The following MYO16 variants were observed in gnomAD, a reference collection of about 807,000 sequenced individuals.
MYO16 encodes the protein unconventional myosin-XVI.
In MYO16, 94 loss-of-function variants were observed where a neutral mutation model predicts 205.3. The ratio of observed to expected loss-of-function variants is 0.46; its 90% CI spans 0.39 to 0.54. MYO16 has a LOEUF of 0.54. Ranked by LOEUF, MYO16 falls within the 20% of genes least tolerant of loss-of-function variation. The pLI is 0.00. For missense variants in MYO16, 2,315 were observed against 2,387.5 expected, an observed-to-expected ratio of 0.97 and a Z score of 0.63; for synonymous variants, 988 against 954.0, an observed-to-expected ratio of 1.04 and a Z score of -0.66.
chr13:108,984,112 A>G (rs1884546157), intron 20 of MYO16, among the ~76,000 whole-genome samples: 1 of 152,192 alleles, frequency 6.6e-6, no homozygotes, highest in Non-Finnish European at 1.5e-5. Flanking sequence ...CTTTCTGCAA[A>G]TGGATTCTCA....
At chr13:109,170,057 T>C (rs1486391134) in intron 33 of MYO16, among the ~76,000 whole-genome samples, 1 of 151,396 alleles carries the variant, frequency 6.6e-6, no homozygotes, top group Non-Finnish European at 1.5e-5. Flanking sequence ...AATAGGAGAG[T>C]ATCTTTCTTA....
chr13:108,930,667 A>G (rs1410136533), intron 16 of MYO16, among the ~76,000 whole-genome samples: 3 of 152,226 alleles, frequency 2.0e-5, no homozygotes, highest in Non-Finnish European at 4.4e-5. Flanking sequence ...ATTGTGAAGT[A>G]AACCCTGTAT....
chr13:108,571,781 A>C, the MYO16 span, among the ~76,000 whole-genome samples: 1 of 151,912 alleles, frequency 6.6e-6, no homozygotes, highest in Admixed American at 6.6e-5. Flanking sequence ...ATTTGAAAAA[A>C]AAAAAAAAGT....
intron 16 of MYO16, among the ~76,000 whole-genome samples, chr13:108,940,862 T>C (rs1353297932): frequency 6.6e-6 from 1 of 152,254 alleles, no homozygotes; most frequent in African/African-American, 2.4e-5. Flanking sequence ...ATCCACAAAA[T>C]AGTTTACTGT....
At chr13:109,192,375 T>C (rs1879959791) in intron 34 of MYO16, among the ~76,000 whole-genome samples, 1 of 152,248 alleles carries the variant, frequency 6.6e-6, no homozygotes, top group Non-Finnish European at 1.5e-5. Flanking sequence ...GGGTCTTGCC[T>C]CTTTTCCCTC....
intron 13 of MYO16, chr13:108,886,463 G>T (rs1436189879): frequency 2.2e-6 from 1 of 456,240 alleles, no homozygotes; most frequent in Admixed American, 2.3e-5. Flanking sequence ...ACACGAGAGA[G>T]TAAGTGGAGT....
At chr13:108,608,895 C>T (rs1276039643) in intron 1 of MYO16, among the ~76,000 whole-genome samples, 1 of 152,194 alleles carries the variant, frequency 6.6e-6, no homozygotes, top group Non-Finnish European at 1.5e-5. Context: ...CCACCTGCCT[C>T]AGCCTCCCAA....
chr13:109,067,143 G>A (rs1467762), intron 27 of MYO16, among the ~76,000 whole-genome samples: 76,036 of 151,962 alleles, frequency 0.5, 19,045 homozygotes, highest in Middle Eastern at 0.55. Context: ...GCTGGGAGTC[G>A]GACTCCACAC....
At position 108,709,727 on chromosome 13, in the gene MYO16, C is replaced by G. The variant is rs940784969; in HGVS notation, c.293-2934C>G. Reference sequence around the variant, plus strand: ...GTCTCTTACAATTCCAGTTTTTAACCCTTAGCAGAGCCATAGAATTTAGTT... The same window carrying G: ...GTCTCTTACAATTCCAGTTTTTAACGCTTAGCAGAGCCATAGAATTTAGTT... On this transcript the variant is annotated intron_variant, in intron 2 of 34. Transcript: ENST00000457511. 1.5e-5 allele frequency among the ~76,000 whole-genome samples: 2 copies of G among 134,782 alleles called. 1 individual carries two copies. Among genetic ancestry groups the G allele is most frequent in the African/African-American group, 5.5e-5 (2 of 36,278 alleles). The allele number at this position is 134,782 out of a possible 152,430, so 88.4% of individuals were successfully genotyped here.
chr13:108,676,619 G>A (rs1882223377), intron 2 of MYO16, among the ~76,000 whole-genome samples: 1 of 152,204 alleles, frequency 6.6e-6, no homozygotes, highest in African/African-American at 2.4e-5. Context: ...TGAAAAGAAG[G>A]GGAGAGTGTG....
chr13:108,877,366 C>T (rs968776581), intron 12 of MYO16, among the ~76,000 whole-genome samples: 1 of 152,200 alleles, frequency 6.6e-6, no homozygotes, highest in African/African-American at 2.4e-5. Context: ...AGCTCTGCCA[C>T]CAACTAGCCC....
At chr13:109,187,626 G>T (rs1279369880) in intron 34 of MYO16, among the ~76,000 whole-genome samples, 1 of 152,010 alleles carries the variant, frequency 6.6e-6, no homozygotes, top group African/African-American at 2.4e-5. Flanking sequence ...TTTCTCTTTG[G>T]CTAATACTGA....
chr13:108,905,906 CAAAA>C (rs1880949107), intron 15 of MYO16, among the ~76,000 whole-genome samples: 1 of 152,148 alleles, frequency 6.6e-6, no homozygotes, highest in South Asian at 2.1e-4. Flanking sequence ...TCGGCAAGCT[CAAAA>C]GGCAGATATT....
intron 29 of MYO16, 36 bp downstream of exon 29, chr13:109,120,502 G>C: frequency 3.2e-6 from 5 of 1,544,020 alleles, no homozygotes; most frequent in Non-Finnish European, 3.6e-6. Flanking sequence ...GAATTTATTT[G>C]AGTTGTGAAA....
the MYO16 span, among the ~76,000 whole-genome samples, chr13:108,502,997 T>A: frequency 6.6e-6 from 1 of 152,230 alleles, no homozygotes; most frequent in African/African-American, 2.4e-5. Context: ...TGTAGCTTGC[T>A]ATTTTCATTT....
At chr13:108,664,097 T>C (rs965442700) in intron 1 of MYO16, among the ~76,000 whole-genome samples, 17 of 152,232 alleles carry the variant, frequency 1.1e-4, no homozygotes, top group Non-Finnish European at 2.2e-4. Flanking sequence ...TCTATTTGCG[T>C]TTAGGTTACT....
intron 1 of MYO16, among the ~76,000 whole-genome samples, chr13:108,655,811 G>C (rs1376713810): frequency 6.6e-6 from 1 of 152,096 alleles, no homozygotes; most frequent in South Asian, 2.1e-4. Flanking sequence ...AAATGTGACT[G>C]CCCCACTGTA....
At chr13:108,889,438 G>A (rs1880056536) in intron 14 of MYO16, among the ~76,000 whole-genome samples, 1 of 152,174 alleles carries the variant, frequency 6.6e-6, no homozygotes, top group South Asian at 2.1e-4. Context: ...GACTGATTCT[G>A]TTGTTTATAC....
chr13:108,598,396 A>C (rs760031510), intron 1 of MYO16, among the ~76,000 whole-genome samples: 1 of 152,218 alleles, frequency 6.6e-6, no homozygotes, highest in Non-Finnish European at 1.5e-5. Flanking sequence ...TATTTGTGTT[A>C]AGTGATCTGG....
Sources: allele counts gnomAD v4.1 joint callset (sites outside exome capture counted in the v4.1 genomes callset), GRCh38; gene constraint gnomAD v4.1.1; transcripts MANE v1.5; gene names NCBI Gene and HGNC (gene_info 2026-07-23, HGNC 2026-07-21).